LRP1B: variants seen among roughly 807,000 people sequenced by gnomAD.
LRP1B encodes low-density lipoprotein receptor-related protein 1B.
In LRP1B, 217 loss-of-function variants were observed where a neutral mutation model predicts 556.6. The observed-to-expected ratio is 0.39, with a 90% CI of 0.35 to 0.44. LRP1B has a LOEUF of 0.44. Ranked by LOEUF, LRP1B falls within the 20% of genes least tolerant of loss-of-function variation. The pLI, the probability that LRP1B is intolerant of heterozygous loss-of-function variation, is 1.00. For missense variants in LRP1B, 5,053 were observed against 5,620.8 expected, an observed-to-expected ratio of 0.90 and a Z score of 3.23; for synonymous variants, 2,047 against 1,865.8, an observed-to-expected ratio of 1.10 and a Z score of -2.50.
chr2:141,598,535 T>G (rs528347569), intron 2 of LRP1B, among the ~76,000 whole-genome samples: 1 of 152,262 alleles, frequency 6.6e-6, no homozygotes, highest in South Asian at 2.1e-4. Flanking sequence ...ATTTTGGTAT[T>G]CATTGAATAC....
chr2:141,436,121 T>C (rs369628057), intron 3 of LRP1B, among the ~76,000 whole-genome samples: 194 of 152,356 alleles, frequency 1.3e-3, no homozygotes, highest in African/African-American at 4.5e-3. Context: ...TCCAGCTTTA[T>C]TTAGGCATAA....
At chr2:140,884,301 CAA>C (rs142408779) in intron 24 of LRP1B, among the ~76,000 whole-genome samples, 1 of 149,948 alleles carries the variant, frequency 6.7e-6, no homozygotes, top group Admixed American at 6.6e-5. Context: ...GTTGAGGTTG[CAA>C]AAAAAAAGTT....
chr2:141,426,319 T>C (rs1037076717), intron 3 of LRP1B, among the ~76,000 whole-genome samples: 1 of 152,220 alleles, frequency 6.6e-6, no homozygotes, highest in Admixed American at 6.5e-5. Flanking sequence ...TTTTATTTAC[T>C]GTAGCCTTAT....
At chr2:140,959,603 T>C (rs1378121322) in intron 18 of LRP1B, among the ~76,000 whole-genome samples, 1 of 151,624 alleles carries the variant, frequency 6.6e-6, no homozygotes, top group Non-Finnish European at 1.5e-5. Context: ...CCAAATAACA[T>C]GTGACAGATA....
intron 16 of LRP1B, chr2:140,992,607 T>G (rs1697125325): frequency 6.6e-6 from 1 of 152,154 alleles, no homozygotes; most frequent in South Asian, 2.1e-4. Flanking sequence ...ATCAAACTCC[T>G]TGTTCTACTC....
chr2:140,264,968 T>TGCA (rs1195809171), intron 86 of LRP1B, among the ~76,000 whole-genome samples: 13 of 151,910 alleles, frequency 8.6e-5, no homozygotes, highest in African/African-American at 3.1e-4. Context: ...AGTGAGTATA[T>TGCA]GTGTGTGTGT....
At chr2:140,607,471 A>G (rs963316017) in intron 41 of LRP1B, among the ~76,000 whole-genome samples, 7 of 152,128 alleles carry the variant, frequency 4.6e-5, no homozygotes, top group African/African-American at 1.7e-4. Context: ...TGTTCAACAA[A>G]TGTTCATAGC....
At chr2:141,109,729 A>G (rs1243886978) in intron 7 of LRP1B, among the ~76,000 whole-genome samples, 2 of 152,080 alleles carry the variant, frequency 1.3e-5, no homozygotes, top group Admixed American at 1.3e-4. Context: ...GAAAGTGAAG[A>G]CTGTCATGGC....
At chr2:141,539,780 T>C (rs1559128515) in intron 2 of LRP1B, among the ~76,000 whole-genome samples, 1 of 152,162 alleles carries the variant, frequency 6.6e-6, no homozygotes, top group East Asian at 1.9e-4. Flanking sequence ...ATTGTTCCAA[T>C]AAAACTGTAT....
chr2:141,163,775 G>C (rs999280166), intron 7 of LRP1B, among the ~76,000 whole-genome samples: 3 of 152,022 alleles, frequency 2.0e-5, no homozygotes, highest in Admixed American at 6.6e-5. Flanking sequence ...TGAACTGTGA[G>C]TCCACTAAGC....
chr2:141,368,012 C>T (rs1689107183), intron 3 of LRP1B, among the ~76,000 whole-genome samples: 1 of 152,084 alleles, frequency 6.6e-6, no homozygotes, highest in African/African-American at 2.4e-5. Context: ...GTATACCTCA[C>T]CATGCCATTA....
chr2:140,911,563 G>A (rs1319559464), intron 21 of LRP1B, among the ~76,000 whole-genome samples: 1 of 151,652 alleles, frequency 6.6e-6, no homozygotes, highest in Non-Finnish European at 1.5e-5. Context: ...CTTTCCTAAG[G>A]GCTTTCAGAA....
chr2:141,439,912 T>C (rs770774543), intron 3 of LRP1B, among the ~76,000 whole-genome samples: 16 of 152,186 alleles, frequency 1.1e-4, no homozygotes, highest in Admixed American at 9.2e-4. Context: ...CAAAAATCTT[T>C]CTAAGAAAAG....
chr2:140,896,840 T>C (rs868151669), intron 23 of LRP1B, among the ~76,000 whole-genome samples: 7 of 152,070 alleles, frequency 4.6e-5, no homozygotes, highest in Non-Finnish European at 1.0e-4. Context: ...AGGACAGGTA[T>C]TGCATTCAAT....
chr2:141,590,961 A>G (rs1196252749), intron 2 of LRP1B, among the ~76,000 whole-genome samples: 1 of 152,242 alleles, frequency 6.6e-6, no homozygotes, highest in Admixed American at 6.5e-5. Context: ...AAAGTCTTTG[A>G]CAAGTTTTCC....
chr2:141,718,149 C>T (rs1234224607), intron 2 of LRP1B, among the ~76,000 whole-genome samples: 1 of 152,170 alleles, frequency 6.6e-6, no homozygotes, highest in East Asian at 1.9e-4. Flanking sequence ...AGACTCTTTG[C>T]ACACAGCTGG....
At chr2:141,006,949 CTA>C (rs1004717889) in intron 14 of LRP1B, among the ~76,000 whole-genome samples, 1 of 151,896 alleles carries the variant, frequency 6.6e-6, no homozygotes, top group African/African-American at 2.4e-5. Flanking sequence ...CTCTACTTAT[CTA>C]TAAATGTGTC....
At chr2:140,810,312 A>C (rs1259902307) in intron 32 of LRP1B, among the ~76,000 whole-genome samples, 1 of 152,182 alleles carries the variant, frequency 6.6e-6, no homozygotes, top group Non-Finnish European at 1.5e-5. Context: ...GGGAACTATC[A>C]TACATTTGTA....
chr2:141,041,616 A>C (rs746656364), intron 11 of LRP1B, among the ~76,000 whole-genome samples: 46 of 152,086 alleles, frequency 3.0e-4, no homozygotes, highest in Non-Finnish European at 5.9e-4. Flanking sequence ...GATCCTCAAC[A>C]CATGCATAGT....
Sources: allele counts gnomAD v4.1 joint callset (sites outside exome capture counted in the v4.1 genomes callset), GRCh38; gene constraint gnomAD v4.1.1; transcripts MANE v1.5; gene names NCBI Gene and HGNC (gene_info 2026-07-23, HGNC 2026-07-21).